The following DLG2 variants were observed in gnomAD, a reference collection of about 807,000 sequenced individuals.
The protein encoded by DLG2 is discs large MAGUK scaffold protein 2.
DLG2 carries 45 observed loss-of-function variants against 132.5 expected under a neutral mutation model. The observed-to-expected ratio is 0.34, with a 90% confidence interval of 0.27 to 0.44. DLG2 has a LOEUF of 0.44. Ranked by LOEUF, DLG2 falls within the 20% of genes least tolerant of loss-of-function variation. The pLI, the probability that DLG2 is intolerant of heterozygous loss-of-function variation, is 1.00. For missense variants in DLG2, 1,045 were observed against 1,196.9 expected, an observed-to-expected ratio of 0.87 and a Z score of 1.87; for synonymous variants, 424 against 419.6, an observed-to-expected ratio of 1.01 and a Z score of -0.13.
intron 18 of DLG2, among the ~76,000 whole-genome samples, chr11:83,647,274 T>C (rs1464427139): frequency 2.9e-5 from 2 of 68,226 alleles, no homozygotes; most frequent in Non-Finnish European, 3.1e-5. Flanking sequence ...TAGACAAGGG[T>C]GGGGGCGGGG....
intron 6 of DLG2, among the ~76,000 whole-genome samples, chr11:84,862,821 G>C (rs965757459): frequency 5.9e-5 from 8 of 136,212 alleles, no homozygotes; most frequent in South Asian, 5.8e-4. Flanking sequence ...TCCTGTCGGG[G>C]GGGGGGGGTG....
chr11:85,133,012 A>G, intron 5 of DLG2: 1 of 339,902 alleles, frequency 2.9e-6, no homozygotes, highest in South Asian at 2.3e-5. Flanking sequence ...TCCCCTAGAA[A>G]TCAGCTCCGG....
intron 3 of DLG2, among the ~76,000 whole-genome samples, chr11:85,503,185 C>T (rs1389740179): frequency 3.9e-5 from 6 of 152,078 alleles, no homozygotes; most frequent in Admixed American, 3.9e-4. Flanking sequence ...ATAGTAATTA[C>T]ACTGTACCAT....
intron 3 of DLG2, among the ~76,000 whole-genome samples, chr11:85,537,948 C>G (rs1343108237): frequency 1.3e-5 from 2 of 151,662 alleles, no homozygotes; most frequent in African/African-American, 4.9e-5. Flanking sequence ...AACCCCGTCT[C>G]TACTAAAAAT....
At chr11:83,937,240 G>A (rs1022628175) in intron 14 of DLG2, among the ~76,000 whole-genome samples, 30 of 152,132 alleles carry the variant, frequency 2.0e-4, no homozygotes, top group Non-Finnish European at 1.9e-4. Context: ...GGGCGCGGTG[G>A]CTCATGCCTG....
At chr11:84,015,141 T>C (rs2095105393) in intron 11 of DLG2, among the ~76,000 whole-genome samples, 1 of 152,304 alleles carries the variant, frequency 6.6e-6, no homozygotes, top group East Asian at 1.9e-4. Context: ...TTCTCAGTAC[T>C]CAATAAATAT....
chr11:84,597,540 T>C (rs565175025), intron 6 of DLG2, among the ~76,000 whole-genome samples: 1 of 152,324 alleles, frequency 6.6e-6, no homozygotes, highest in African/African-American at 2.4e-5. Context: ...AAAGCATACA[T>C]ATATTCTTCC....
At chr11:84,341,526 T>C (rs1451304493) in intron 7 of DLG2, among the ~76,000 whole-genome samples, 5 of 152,164 alleles carry the variant, frequency 3.3e-5, no homozygotes, top group Non-Finnish European at 7.4e-5. Flanking sequence ...TCCCCAGAGA[T>C]TATGATTTAA....
chr11:83,485,470 G>A (rs974759328), intron 21 of DLG2, among the ~76,000 whole-genome samples: 4 of 152,116 alleles, frequency 2.6e-5, no homozygotes, highest in Non-Finnish European at 5.9e-5. Flanking sequence ...ATTTGGCTCT[G>A]AGGGTCTTTC....
chr11:84,672,591 A>T (rs1251037795), intron 6 of DLG2, among the ~76,000 whole-genome samples: 2 of 152,120 alleles, frequency 1.3e-5, no homozygotes, highest in Admixed American at 6.6e-5. Context: ...AACATGAAGA[A>T]GTCATAAAAT....
intron 7 of DLG2, among the ~76,000 whole-genome samples, chr11:84,365,402 T>G (rs556269973): frequency 3.3e-5 from 5 of 150,494 alleles, no homozygotes; most frequent in African/African-American, 9.9e-5. Context: ...TTCTTCTCTC[T>G]TTTTTTTTAA....
At chr11:84,312,211 C>T (rs921578578) in intron 7 of DLG2, among the ~76,000 whole-genome samples, 1 of 152,146 alleles carries the variant, frequency 6.6e-6, no homozygotes, top group Non-Finnish European at 1.5e-5. Flanking sequence ...GTGGCTCACA[C>T]TTGTAATCCC....
At chr11:84,556,767 A>C (rs1044506954) in intron 6 of DLG2, among the ~76,000 whole-genome samples, 2 of 152,214 alleles carry the variant, frequency 1.3e-5, no homozygotes, top group Non-Finnish European at 2.9e-5. Context: ...TTATGGAATC[A>C]TTCATGTGTT....
At chr11:84,496,138 A>T (rs2099182955) in intron 7 of DLG2, among the ~76,000 whole-genome samples, 1 of 152,168 alleles carries the variant, frequency 6.6e-6, no homozygotes, top group Non-Finnish European at 1.5e-5. Context: ...GTTCACTAAA[A>T]GTTCCTGGGT....
rs2082003543 is a variant in DLG2, at chr11:83,938,598, T to C, written c.1341-8115A>G. ...GTTCTTCCTACTAGTTGGAATTAAA[T>C]GAGTACAATCATTTTGGCTATTCAT... On this transcript the variant is annotated intron_variant, in intron 14 of 27. Transcript: ENST00000376104. 2.0e-5 allele frequency among the ~76,000 whole-genome samples: 3 copies of C among 152,234 alleles called. No individual in the cohort carries two copies. The South Asian group carries it at 6.2e-4, about 32-fold the overall frequency.
intron 12 of DLG2, among the ~76,000 whole-genome samples, chr11:83,978,203 A>G (rs1452651263): frequency 6.6e-6 from 1 of 151,966 alleles, no homozygotes; most frequent in African/African-American, 2.4e-5. Context: ...GAAACAAAAC[A>G]AAAAATTTAA....
intron 9 of DLG2, among the ~76,000 whole-genome samples, chr11:84,138,948 C>CAAA (rs5793107): frequency 4.0e-4 from 37 of 92,006 alleles, no homozygotes; most frequent in African/African-American, 1.3e-3. Flanking sequence ...GACTCCATCT[C>CAAA]AAAAAAAAAA....
At chr11:85,322,649 A>G (rs1421086635) in intron 3 of DLG2, among the ~76,000 whole-genome samples, 1 of 152,144 alleles carries the variant, frequency 6.6e-6, no homozygotes, top group African/African-American at 2.4e-5. Context: ...CAAAAACAAT[A>G]ACAAAAATCT....
intron 4 of DLG2, among the ~76,000 whole-genome samples, chr11:85,274,451 C>G (rs1222570058): frequency 6.6e-6 from 1 of 152,162 alleles, no homozygotes; most frequent in Non-Finnish European, 1.5e-5. Context: ...ACAACAGTAT[C>G]CAACTTAGTG....
Sources: allele counts gnomAD v4.1 joint callset (sites outside exome capture counted in the v4.1 genomes callset), GRCh38; gene constraint gnomAD v4.1.1; transcripts MANE v1.5; gene names NCBI Gene and HGNC (gene_info 2026-07-23, HGNC 2026-07-21).